The following TNRC6A variants were observed in gnomAD, a reference collection of about 807,000 sequenced individuals.
The protein encoded by TNRC6A is trinucleotide repeat containing adaptor 6A.
TNRC6A carries 44 observed loss-of-function variants against 221.2 expected under a neutral mutation model. The ratio of observed to expected loss-of-function variants is 0.20; its 90% CI spans 0.16 to 0.26. The LOEUF (loss-of-function observed/expected upper bound fraction) is 0.26, where lower values mean the gene tolerates loss of function less well. TNRC6A is among the 10% of genes least tolerant of loss of function. TNRC6A has a pLI of 1.00. For synonymous variants in TNRC6A, 847 were observed against 838.5 expected, an observed-to-expected ratio of 1.01 and a Z score of -0.18; for missense variants, 2,199 against 2,404.4, an observed-to-expected ratio of 0.91 and a Z score of 1.79.
intron 2 of TNRC6A, among the ~76,000 whole-genome samples, chr16:24,719,590 C>T (rs1020434869): frequency 4.6e-5 from 7 of 151,956 alleles, no homozygotes; most frequent in Non-Finnish European, 1.0e-4. Flanking sequence ...ACCTGGGAGG[C>T]AGAGGTTGCA....
rs199950284 is a variant in TNRC6A at position 24,623,152 on chromosome 16, AATTTATTTATTT to A, written n.276+12698_276+12709del. The stretch of plus-strand genomic sequence containing the variant: ...CCAACCCAGTCAGTTAAGTGATAAG[AATTTATTTATTT>A]ATTTATTTATTTATTTATTTATTTA... On this transcript the variant is annotated intron_variant and non_coding_transcript_variant, in intron 1 of 2. Transcript: ENST00000566108. 3.9e-4 allele frequency among the ~76,000 whole-genome samples: 56 copies of A among 143,852 alleles called. 1 individual carries two copies. Among genetic ancestry groups the A allele is most frequent in the African/African-American group, 5.1e-4 (19 of 37,528 alleles). 94.4% of individuals were successfully genotyped at this position (143,852 alleles called of 152,430 possible).
chr16:24,796,124 G>A, intron 9 of TNRC6A, 185 bp downstream of exon 9: 1 of 523,928 alleles, frequency 1.9e-6, no homozygotes, highest in Admixed American at 3.5e-5. Flanking sequence ...CATTAGGAGA[G>A]CTTCATAGAA....
chr16:24,696,482 G>C (rs1222816387), intron 2 of TNRC6A, among the ~76,000 whole-genome samples: 1 of 151,814 alleles, frequency 6.6e-6, no homozygotes, highest in Admixed American at 6.6e-5. Flanking sequence ...TGTAATCCTA[G>C]TACACTGGGA....
chr16:24,692,293 G>A (rs2142138344), intron 2 of TNRC6A, among the ~76,000 whole-genome samples: 2 of 152,288 alleles, frequency 1.3e-5, no homozygotes, highest in East Asian at 3.9e-4. Flanking sequence ...AAGGGAGGCC[G>A]GGAGTGGTGG....
In TNRC6A at chr16:24,730,234, TTTTG is replaced by T; in HGVS notation, c.6-15_6-12del. ...GTGTGTGTTTTTGTTTTGTTTTTGT[TTTTG>T]TTTTTTTGTTTCAGAGAATTGGAAG... is the stretch of plus-strand genomic sequence containing the variant. On this transcript the variant is annotated splice_polypyrimidine_tract_variant and intron_variant, in intron 1 of 24. Coordinates refer to ENST00000395799, the MANE Select transcript of TNRC6A (RefSeq NM_014494.4). 1.9e-6 allele frequency: 3 copies of T among 1,599,610 alleles called. No individual in the cohort carries two copies. The highest frequency in any genetic ancestry group is 2.6e-6 in the Non-Finnish European group (3 of 1,176,466).
In TNRC6A at chr16:24,793,622, G is replaced by T. The variant is rs1293367728; in HGVS notation, c.3325G>T (p.Val1109Phe). The T allele has an allele frequency of 2.0e-6, 3 of 1,537,810 alleles. No individual in the cohort carries two copies. Among genetic ancestry groups the T allele is most frequent in the Non-Finnish European group, 2.6e-6 (3 of 1,140,866 alleles). The change falls in exon 7 of 25, where the codon GTT becomes TTT. Residue 1109 changes from valine (V) to phenylalanine (F), a missense_variant. By Grantham distance (50) the Val-to-Phe change is conservative. Around this residue, in one of 8 missense-constraint regions of TNRC6A, gnomAD observed 1,405 missense variants for 1,400.2 expected, o/e 1.00. Transcript: ENST00000395799. ...CACATCCACGTGGGGCTCCAGCTCTGTTGGTCCACAAGCATTAAGCAAATC... is the reference window on the plus strand; with the variant it reads ...CACATCCACGTGGGGCTCCAGCTCTTTTGGTCCACAAGCATTAAGCAAATC... ...SSTSTWGSSS[V>F]GPQALSKSGP...
chr16:24,662,760 C>T (rs982778636), intron 2 of TNRC6A: 5 of 153,760 alleles, frequency 3.3e-5, no homozygotes, highest in African/African-American at 1.2e-4. Flanking sequence ...ATTGTACTTT[C>T]ACTGACCTTA....
Position 24,791,124 on chromosome 16 carries a change from G to A in TNRC6A, c.2482G>A (p.Ala828Thr), listed in dbSNP as rs148154296. 9.4e-5 allele frequency: 152 copies of A among 1,613,918 alleles called. No individual in the cohort carries two copies. The highest frequency in any genetic ancestry group is 5.2e-4 in the Admixed American group (31 of 59,996). The change falls in exon 6 of 25, where the codon GCA (alanine) becomes ACA (threonine). Residue 828 changes from alanine to threonine, a missense_variant. Ala to Thr is a moderately conservative substitution (Grantham distance 58, BLOSUM62 0). Around this residue, in one of 8 missense-constraint regions of TNRC6A, gnomAD observed 1,405 missense variants for 1,400.2 expected, o/e 1.00. Transcript: ENST00000395799. ...GGGGAATTGCAAAGAGGAGAAGGCT[G>A]CATGGAATGACTCGCAAAAGAATAA... ...QWGNCKEEKAAWNDSQKNKQG... is the reference protein window; with the variant it reads ...QWGNCKEEKATWNDSQKNKQG...
At position 24,821,909 on chromosome 16, in the gene TNRC6A, G is replaced by A. The variant is rs775319816; in HGVS notation, c.5303-168G>A. The A allele has an allele frequency of 3.0e-4, 189 of 637,656 alleles. 1 individual carries two copies. Among genetic ancestry groups the A allele is most frequent in the Non-Finnish European group, 4.6e-4 (165 of 357,016 alleles). The allele number at this position is 637,656 out of a possible 1,614,324, so 39.5% of individuals were successfully genotyped here. A position where few individuals can be genotyped will look rare whatever the true frequency, so the allele number is the denominator to read the frequency against. On this transcript the variant is annotated intron_variant, in intron 22 of 24. Coordinates refer to ENST00000395799, the MANE Select transcript of TNRC6A (RefSeq NM_014494.4). The stretch of plus-strand genomic sequence containing the variant: ...AGAGCCCCCTGCCATAGGAGTTAAT[G>A]CCTGGCCATGGCTAGGGCGAGCTGA...
At chr16:24,764,761 C>G (rs1197207549) in intron 4 of TNRC6A, among the ~76,000 whole-genome samples, 2 of 152,036 alleles carry the variant, frequency 1.3e-5, no homozygotes, top group East Asian at 3.8e-4. Flanking sequence ...ACAGTAATCC[C>G]CCTGTATCCA....
Position 24,823,501 on chromosome 16 carries a change from A to C in TNRC6A, c.5583A>C (p.Ala1861=). The change falls in exon 25 of 25, where the codon GCA becomes GCC. Residue 1861 remains alanine (A), a synonymous_variant. Coordinates refer to ENST00000395799, the MANE Select transcript of TNRC6A (RefSeq NM_014494.4). The surrounding 1 kb of genome is among the most constrained non-coding windows in gnomAD (Gnocchi z 4.3). ...ASEEEISRFF[A]QSQSLTPSPG... is the part of the protein sequence containing the mutation. ...AAGAGGAGATCAGTCGTTTCTTTGC[A>C]CAAAGCCAGTCTCTGACCCCTTCTC... The C allele has an allele frequency of 6.2e-7, 1 of 1,614,080 alleles. No homozygotes were observed. Among genetic ancestry groups the C allele is most frequent in the Non-Finnish European group, 8.5e-7 (1 of 1,180,012 alleles).
Position 24,818,750 on chromosome 16 carries a change from G to A in TNRC6A, c.5080+50G>A, listed in dbSNP as rs374375525. ...GGGAGGGTTGGTCACAGCCAGAGCCGCGGCTGTTGTTTTAATGCCCTCTTC... is the reference window on the plus strand; with the variant it reads ...GGGAGGGTTGGTCACAGCCAGAGCCACGGCTGTTGTTTTAATGCCCTCTTC... On this transcript the variant is annotated intron_variant, in intron 21 of 24. Transcript: ENST00000395799. 92 of 1,419,418 alleles carry A rather than the reference G, an allele frequency of 6.5e-5. 1 individual carries two copies. The highest frequency in any genetic ancestry group is 7.0e-5 in the African/African-American group (5 of 71,020). 87.9% of individuals were successfully genotyped at this position (1,419,418 alleles called of 1,614,324 possible). A position where few individuals can be genotyped will look rare whatever the true frequency, so the allele number is the denominator to read the frequency against.
chr16:24,707,349 C>T (rs60820369), intron 2 of TNRC6A, among the ~76,000 whole-genome samples: 38,781 of 117,406 alleles, frequency 0.33, 8,238 homozygotes, highest in East Asian at 0.74. Flanking sequence ...GGAACATGGG[C>T]GCACACACAC....
At chr16:24,708,406 A>T (rs1391641321) in intron 2 of TNRC6A, among the ~76,000 whole-genome samples, 5 of 151,880 alleles carry the variant, frequency 3.3e-5, no homozygotes, top group Admixed American at 3.3e-4. Flanking sequence ...ACGCCCGGCT[A>T]ATTTTTTTGT....
intron 8 of TNRC6A, 36 bp downstream of exon 8, chr16:24,794,755 A>C: frequency 6.4e-7 from 1 of 1,574,062 alleles, no homozygotes; most frequent in African/African-American, 1.4e-5. Flanking sequence ...TGAAACTTTA[A>C]ATTCCAAAGG....
At chr16:24,767,586 T>C (rs2057500793) in intron 4 of TNRC6A, among the ~76,000 whole-genome samples, 1 of 152,216 alleles carries the variant, frequency 6.6e-6, no homozygotes. Context: ...AAACATACCA[T>C]TTTTCCAGAT....
At chr16:24,669,941 C>CTTTTTTTTTTTTTTTT (rs535737725) in intron 2 of TNRC6A, among the ~76,000 whole-genome samples, 522 of 27,180 alleles carry the variant, frequency 0.019, 202 homozygotes, top group African/African-American at 0.026. Context: ...GAGGCAGCTA[C>CTTTTTTTTTTTTTTTT]TTTTTTTTTT....
chr16:24,763,504 T>C (rs1420523575), intron 4 of TNRC6A, among the ~76,000 whole-genome samples: 2 of 152,234 alleles, frequency 1.3e-5, no homozygotes, highest in Non-Finnish European at 2.9e-5. Context: ...CTTTACTTTT[T>C]CTTTCAGTCA....
At chr16:24,625,043 A>G (rs1286346002) in intron 1 of TNRC6A, among the ~76,000 whole-genome samples, 1 of 152,240 alleles carries the variant, frequency 6.6e-6, no homozygotes, top group African/African-American at 2.4e-5. Flanking sequence ...ACCAGAAATC[A>G]TAGACCTGCT....
Sources: allele counts gnomAD v4.1 joint callset (sites outside exome capture counted in the v4.1 genomes callset), GRCh38; gene constraint gnomAD v4.1.1; regional missense constraint gnomAD v4.1.1; non-coding constraint Gnocchi (gnomAD v3.1); transcripts MANE v1.5; gene names NCBI Gene and HGNC (gene_info 2026-07-23, HGNC 2026-07-21).